Variants in FIBCD1 observed in about 807,000 individuals in gnomAD.
The protein encoded by FIBCD1 is fibrinogen C domain-containing protein 1.
A neutral mutation model predicts 45.1 loss-of-function variants in FIBCD1; 47 were observed. That is an observed-to-expected ratio of 1.04 (90% CI 0.82 to 1.33). The LOEUF (loss-of-function observed/expected upper bound fraction) is 1.33. Ranked by LOEUF, FIBCD1 falls within the 40% of genes most tolerant of loss-of-function variation. The pLI is 0.00. For synonymous variants in FIBCD1, 313 were observed against 308.1 expected, an observed-to-expected ratio of 1.02 and a Z score of -0.17; for missense variants, 653 against 682.2, an observed-to-expected ratio of 0.96 and a Z score of 0.48.
intron 6 of FIBCD1, 24 bp from the exon 7 acceptor site, chr9:130,904,347 TGGGCACGGG>T (rs1026958327): frequency 6.3e-7 from 1 of 1,582,738 alleles, no homozygotes; most frequent in Non-Finnish European, 8.6e-7. Flanking sequence ...CACACAGGTG[TGGGCACGGG>T]GGGCACGGGT....
chr9:130,935,619 C>CA (rs1230670895), intron 1 of FIBCD1, among the ~76,000 whole-genome samples: 2 of 152,232 alleles, frequency 1.3e-5, no homozygotes, highest in Non-Finnish European at 2.9e-5. Context: ...TATACCCACT[C>CA]ACAGCGGGTG....
At chr9:130,916,177 C>T (rs1183803247) in intron 4 of FIBCD1, among the ~76,000 whole-genome samples, 2 of 152,266 alleles carry the variant, frequency 1.3e-5, no homozygotes, top group Admixed American at 6.5e-5. Flanking sequence ...GATCCACCCA[C>T]CTTGGCCTCC....
chr9:130,924,995 C>T (rs561238883), intron 2 of FIBCD1, among the ~76,000 whole-genome samples: 1 of 152,312 alleles, frequency 6.6e-6, no homozygotes, highest in South Asian at 2.1e-4. Context: ...CTCTTCCGAT[C>T]CCGAGCAAGG....
chr9:130,929,683 G>A lies in FIBCD1; in HGVS notation c.436C>T (p.Arg146Trp), dbSNP rs754515201. Reference sequence around the variant, plus strand: ...AGCTCTGAGGCTCGGGCCAGCAGCCGGGGCAGCTGGTCGGCCAGCGTGTCC... The same window carrying A: ...AGCTCTGAGGCTCGGGCCAGCAGCCAGGGCAGCTGGTCGGCCAGCGTGTCC... ...LLDTLADQLPRLLARASELQT... is the reference protein window; with the variant it reads ...LLDTLADQLPWLLARASELQT... Residue 146 changes from arginine to tryptophan, a missense_variant, in exon 2 of 7, where the codon CGG (arginine) becomes TGG (tryptophan). Coordinates refer to ENST00000372338, the MANE Select transcript of FIBCD1 (RefSeq NM_032843.5). The A allele has an allele frequency of 5.6e-6, 9 of 1,602,814 alleles. No homozygotes were observed. The highest frequency in any genetic ancestry group is 3.3e-5 in the South Asian group (3 of 89,554).
intron 5 of FIBCD1, among the ~76,000 whole-genome samples, chr9:130,906,171 G>C (rs528725904): frequency 2.6e-5 from 4 of 151,774 alleles, no homozygotes; most frequent in African/African-American, 9.7e-5. Flanking sequence ...TGCTGTCCCC[G>C]CCCCACCTCA....
intron 2 of FIBCD1, among the ~76,000 whole-genome samples, chr9:130,927,559 C>T (rs112456852): frequency 0.016 from 2,480 of 152,344 alleles, 31 homozygotes; most frequent in Non-Finnish European, 0.024. Flanking sequence ...GACTCACACC[C>T]TCAGGGCAGA....
chr9:130,924,333 C>A lies in FIBCD1; in HGVS notation c.616G>T (p.Ala206Ser). ...LVNSVSDILD[A>S]LQRDRGLGRP... ...CCCAGCCCCCGGTCCCTCTGCAGGG[C>A]ATCCAGGATGTCGCTGACGGAGTTC... The change falls in exon 3 of 7, where the codon GCC becomes TCC. Residue 206 changes from alanine (A) to serine (S), a missense_variant. By Grantham distance (99) the Ala-to-Ser change is moderately conservative. Transcript: ENST00000372338. 6.2e-7 allele frequency: 1 copy of A among 1,608,512 alleles called. No individual in the cohort carries two copies. The highest frequency in any genetic ancestry group is 8.5e-7 in the Non-Finnish European group (1 of 1,178,664).
At position 130,911,849 on chromosome 9, in the gene FIBCD1, G is replaced by C. The variant is rs769443515; in HGVS notation, c.889C>G (p.Arg297Gly). Residue 297 changes from arginine (R) to glycine (G), a missense_variant, in exon 5 of 7, where the codon CGG (arginine) becomes GGG (glycine). By Grantham distance (125) the Arg-to-Gly change is moderately radical. Coordinates refer to ENST00000372338, the MANE Select transcript of FIBCD1 (RefSeq NM_032843.5). Reference protein sequence around the residue: ...RREDGSVNFFRGWDAYRDGFG... With the variant: ...RREDGSVNFFGGWDAYRDGFG... ...CCGTCTCGGTACGCATCCCAGCCCC[G>C]GAAGAAGTTCACGGAGCCGTCCTCC... The C allele has an allele frequency of 5.6e-6, 9 of 1,602,550 alleles. No homozygotes were observed. Among genetic ancestry groups the C allele is most frequent in the Non-Finnish European group, 6.8e-6 (8 of 1,175,450 alleles).
chr9:130,923,842 C>T lies in FIBCD1; in HGVS notation c.751G>A (p.Gly251Arg), dbSNP rs768897447. Reference sequence around the variant, plus strand: ...GAGTAGACGCCATCGTCCTGCTGTCCGCTTAGGAGGACGTCCAGACAGTCT... The same window carrying T: ...GAGTAGACGCCATCGTCCTGCTGTCTGCTTAGGAGGACGTCCAGACAGTCT... ...PRDCLDVLLSGQQDDGVYSVF... is the reference protein window; with the variant it reads ...PRDCLDVLLSRQQDDGVYSVF... Residue 251 changes from glycine to arginine, a missense_variant, in exon 4 of 7, where the codon GGA becomes AGA. By Grantham distance (125) the Gly-to-Arg change is moderately radical. Coordinates refer to ENST00000372338, the MANE Select transcript of FIBCD1 (RefSeq NM_032843.5). 13 of 1,612,742 alleles carry T rather than the reference C, an allele frequency of 8.1e-6. No individual in the cohort carries two copies. Among genetic ancestry groups the T allele is most frequent in the East Asian group, 4.5e-5 (2 of 44,878 alleles).
At chr9:130,912,554 A>C (rs1055508208) in intron 4 of FIBCD1, among the ~76,000 whole-genome samples, 2 of 151,886 alleles carry the variant, frequency 1.3e-5, no homozygotes, top group Non-Finnish European at 2.9e-5. Flanking sequence ...TGAAAATATA[A>C]AAATTAGCCA....
At position 130,926,283 on chromosome 9, in the gene FIBCD1, C is replaced by T. The variant is rs753878373; in HGVS notation, c.553-1887G>A. On this transcript the variant is annotated intron_variant, in intron 2 of 6. Coordinates refer to ENST00000372338, the MANE Select transcript of FIBCD1 (RefSeq NM_032843.5). The surrounding 1 kb of genome is among the most constrained non-coding windows in gnomAD (Gnocchi z 4.1). ...GGCACGGCCTCCTCCCTCTTGCTAA[C>T]GGGCAGGGAAGACCTCTGTTTAAAC... Among the ~76,000 whole-genome samples, 3 of 152,232 alleles carry T rather than the reference C, an allele frequency of 2.0e-5. No individual in the cohort carries two copies. The highest frequency in any genetic ancestry group is 1.3e-4 in the Admixed American group (2 of 15,290).
chr9:130,918,801 C>G (rs1042928265), intron 4 of FIBCD1, among the ~76,000 whole-genome samples: 4 of 152,238 alleles, frequency 2.6e-5, no homozygotes, highest in Non-Finnish European at 5.9e-5. Context: ...TCCTGACTAC[C>G]TCTCACAGGC....
At position 130,905,418 on chromosome 9, in the gene FIBCD1, AGTTGGGGGGAAAATG is replaced by A. The variant is rs1831910875; in HGVS notation, c.947-20_947-6del. 6.2e-7 allele frequency: 1 copy of A among 1,601,744 alleles called. No individual in the cohort carries two copies. Among genetic ancestry groups the A allele is most frequent in the African/African-American group, 1.3e-5 (1 of 74,568 alleles). Reference sequence around the variant, plus strand: ...GGGCGTGGATCCTCTTGAGCCCTGAAGTTGGGGGGAAAATGGTGGGAGAAGCTGAGGGGCGTAGGA... The same window carrying A: ...GGGCGTGGATCCTCTTGAGCCCTGAAGTGGGAGAAGCTGAGGGGCGTAGGA... On this transcript the variant is annotated splice_polypyrimidine_tract_variant and splice_region_variant and intron_variant, in intron 5 of 6. Transcript: ENST00000372338.
chr9:130,907,122 C>T (rs975800580), intron 5 of FIBCD1, among the ~76,000 whole-genome samples: 2 of 152,142 alleles, frequency 1.3e-5, no homozygotes, highest in Non-Finnish European at 2.9e-5. Context: ...GGAGACCGGC[C>T]CCCCGGGGAT....
At chr9:130,921,268 G>T (rs989737813) in intron 4 of FIBCD1, among the ~76,000 whole-genome samples, 26 of 152,272 alleles carry the variant, frequency 1.7e-4, no homozygotes, top group African/African-American at 6.0e-4. Flanking sequence ...TTCGGACAGG[G>T]AGTCTAATGA....
At chr9:130,911,109 C>T (rs1832030452) in intron 5 of FIBCD1, among the ~76,000 whole-genome samples, 2 of 152,156 alleles carry the variant, frequency 1.3e-5, no homozygotes, top group South Asian at 4.1e-4. Flanking sequence ...GCTGTGGAAG[C>T]TTTGTTCTTT....
chr9:130,912,862 C>A (rs1381470129), intron 4 of FIBCD1, among the ~76,000 whole-genome samples: 2 of 152,038 alleles, frequency 1.3e-5, no homozygotes, highest in African/African-American at 4.8e-5. Context: ...CAAGTCTATC[C>A]TCCAGTTTTT....
intron 1 of FIBCD1, among the ~76,000 whole-genome samples, chr9:130,935,006 T>A (rs891472538): frequency 6.6e-6 from 1 of 152,074 alleles, no homozygotes; most frequent in Non-Finnish European, 1.5e-5. Flanking sequence ...GACCTGTGAG[T>A]TTGTTCCCCC....
chr9:130,905,082 T>C (rs1831901443), intron 6 of FIBCD1, 152 bp downstream of exon 6: 2 of 730,060 alleles, frequency 2.7e-6, no homozygotes, highest in Non-Finnish European at 4.2e-6. Context: ...GGGTTGGTAG[T>C]TTATCAATAT....
Sources: allele counts gnomAD v4.1 joint callset (sites outside exome capture counted in the v4.1 genomes callset), GRCh38; gene constraint gnomAD v4.1.1; non-coding constraint Gnocchi (gnomAD v3.1); transcripts MANE v1.5; gene names NCBI Gene and HGNC (gene_info 2026-07-23, HGNC 2026-07-21).